The following UBXN7 variants were observed in gnomAD, a reference collection of about 807,000 sequenced individuals.
UBXN7 encodes the protein UBX domain protein 7.
UBXN7 carries 9 observed loss-of-function variants against 58.0 expected under a neutral mutation model. The ratio of observed to expected loss-of-function variants is 0.16; its 90% CI spans 0.09 to 0.27. The LOEUF (loss-of-function observed/expected upper bound fraction) is 0.27, where lower values mean the gene tolerates loss of function less well. UBXN7 is among the 10% of genes least tolerant of loss of function. UBXN7 has a pLI of 1.00. For missense variants in UBXN7, 328 were observed against 599.6 expected (o/e 0.55, Z 4.73); for synonymous variants, 208 against 205.0 (o/e 1.01, Z -0.12).
intron 10 of UBXN7, among the ~76,000 whole-genome samples, chr3:196,360,509 C>T (rs1728478768): frequency 6.6e-6 from 1 of 152,202 alleles, no homozygotes; most frequent in Admixed American, 6.5e-5. Flanking sequence ...CCTGGAAAGA[C>T]AGCACATCAA....
intron 2 of UBXN7, 143 bp downstream of exon 2, chr3:196,407,103 C>G: frequency 3.4e-6 from 4 of 1,162,564 alleles, no homozygotes; most frequent in Non-Finnish European, 4.7e-6. Flanking sequence ...TATGTAACTA[C>G]AAAAATTTCC....
intron 1 of UBXN7, among the ~76,000 whole-genome samples, chr3:196,411,250 T>A (rs1318258091): frequency 2.6e-5 from 4 of 152,210 alleles, no homozygotes; most frequent in African/African-American, 9.6e-5. Context: ...ACACTTTGCT[T>A]GCATGTGATC....
At chr3:196,401,298 TACAC>T (rs71630187) in intron 3 of UBXN7, among the ~76,000 whole-genome samples, 8 of 61,686 alleles carry the variant, frequency 1.3e-4, no homozygotes, top group South Asian at 5.0e-4. Context: ...TATATATATA[TACAC>T]ACACACACAC....
At chr3:196,411,638 C>G (rs1000806242) in intron 1 of UBXN7, among the ~76,000 whole-genome samples, 3 of 152,132 alleles carry the variant, frequency 2.0e-5, no homozygotes, top group Admixed American at 1.3e-4. Context: ...TGGTGAAACC[C>G]CTTCTCTATT....
chr3:196,405,693 C>T lies in UBXN7; in HGVS notation c.221+1553G>A, dbSNP rs369095417. Among the ~76,000 whole-genome samples, 42 of 151,948 alleles carry T rather than the reference C, an allele frequency of 2.8e-4. No individual in the cohort carries two copies. In the South Asian group the frequency reaches 7.9e-3, roughly 29 times the overall value. Reference sequence around the variant, plus strand: ...ATTAAGTAGTACACTTGTCCTTACACGAAAAGACTTGATTACTACATTATC... The same window carrying T: ...ATTAAGTAGTACACTTGTCCTTACATGAAAAGACTTGATTACTACATTATC... On this transcript the variant is annotated intron_variant, in intron 2 of 10. Transcript: ENST00000296328.
chr3:196,350,405 T>C lies in UBXN7; in HGVS notation c.*6280A>G, dbSNP rs1487683498. ...GGAGAAAATGAGCTATAAAAGTAAGTTTGCCTCAAAAATGTCCTTCAATTT... is the reference window on the plus strand; with the variant it reads ...GGAGAAAATGAGCTATAAAAGTAAGCTTGCCTCAAAAATGTCCTTCAATTT... On this transcript the variant is annotated 3_prime_UTR_variant, in exon 11 of 11. Coordinates refer to ENST00000296328, the MANE Select transcript of UBXN7 (RefSeq NM_015562.2). 1.3e-5 allele frequency: 2 copies of C among 152,182 alleles called. No individual in the cohort carries two copies. Among genetic ancestry groups the C allele is most frequent in the African/African-American group, 4.8e-5 (2 of 41,434 alleles). 9.4% of individuals were successfully genotyped at this position (152,182 alleles called of 1,614,324 possible).
intron 1 of UBXN7, among the ~76,000 whole-genome samples, chr3:196,430,667 G>A (rs930814489): frequency 6.6e-5 from 10 of 152,066 alleles, no homozygotes; most frequent in African/African-American, 2.4e-4. Flanking sequence ...AGGATTACAG[G>A]CGTGAGACAC....
intron 1 of UBXN7, 59 bp downstream of exon 1, chr3:196,432,268 G>C: frequency 6.2e-7 from 1 of 1,602,372 alleles, no homozygotes; most frequent in Non-Finnish European, 8.5e-7. Context: ...GAAGCCCGGG[G>C]CAGACCCGCT....
At chr3:196,420,013 TGTAA>T (rs1405406983) in intron 1 of UBXN7, among the ~76,000 whole-genome samples, 1 of 152,166 alleles carries the variant, frequency 6.6e-6, no homozygotes, top group African/African-American at 2.4e-5. Context: ...GGCTAAATGA[TGTAA>T]GTGAGGGAAC....
chr3:196,375,315 A>T (rs1728982647), intron 5 of UBXN7, among the ~76,000 whole-genome samples: 1 of 151,880 alleles, frequency 6.6e-6, no homozygotes, highest in African/African-American at 2.4e-5. Context: ...TTCATGTTAT[A>T]CATCTTAAAT....
rs1281965827 is a variant in UBXN7, at chr3:196,351,231, C to G, written c.*5454G>C. ...TATACAAATCAATTTCCCAACAGGCCAGTAAAGTACTTTAAGTACACAAGT... is the reference window on the plus strand; with the variant it reads ...TATACAAATCAATTTCCCAACAGGCGAGTAAAGTACTTTAAGTACACAAGT... On this transcript the variant is annotated 3_prime_UTR_variant, in exon 11 of 11. Coordinates refer to ENST00000296328, the MANE Select transcript of UBXN7 (RefSeq NM_015562.2). 1 of 152,130 alleles carries G rather than the reference C, an allele frequency of 6.6e-6. No homozygotes were observed. The highest frequency in any genetic ancestry group is 1.5e-5 in the Non-Finnish European group (1 of 68,026). The allele number at this position is 152,130 out of a possible 1,614,324, so 9.4% of individuals were successfully genotyped here.
rs1280508366 is a variant in UBXN7 at position 196,350,410 on chromosome 3, C to T, written c.*6275G>A. 6.6e-6 allele frequency: 1 copy of T among 152,084 alleles called. No homozygotes were observed. The highest frequency in any genetic ancestry group is 1.5e-5 in the Non-Finnish European group (1 of 68,016). The allele number at this position is 152,084 out of a possible 1,614,324, so 9.4% of individuals were successfully genotyped here. ...AAATGAGCTATAAAAGTAAGTTTGC[C>T]TCAAAAATGTCCTTCAATTTTATAA... On this transcript the variant is annotated 3_prime_UTR_variant, in exon 11 of 11. Coordinates refer to ENST00000296328, the MANE Select transcript of UBXN7 (RefSeq NM_015562.2).
At chr3:196,402,707 T>A (rs1730030474) in intron 3 of UBXN7, among the ~76,000 whole-genome samples, 1 of 152,210 alleles carries the variant, frequency 6.6e-6, no homozygotes, top group Non-Finnish European at 1.5e-5. Flanking sequence ...TCATTCCCAT[T>A]ACAAGGCAGT....
rs1553853062 is a variant in UBXN7, at chr3:196,401,836, A to AGAAGAGAAGAGAAGC, written c.289+1115_289+1116insGCTTCTCTTCTCTTC. Among the ~76,000 whole-genome samples, 962 of 149,794 alleles carry AGAAGAGAAGAGAAGC rather than the reference A, an allele frequency of 6.4e-3. 15 individuals are homozygous for AGAAGAGAAGAGAAGC. The highest frequency in any genetic ancestry group is 0.022 in the African/African-American group (916 of 40,800). On this transcript the variant is annotated intron_variant, in intron 3 of 10. Transcript: ENST00000296328. Reference sequence around the variant, plus strand: ...AAGAAAAGAGAAGAGAGAAGAGAAGAGAAGAGAAGAGAAGAGAAGAGAAGA... The same window carrying AGAAGAGAAGAGAAGC: ...AAGAAAAGAGAAGAGAGAAGAGAAGAGAAGAGAAGAGAAGCGAAGAGAAGAGAAGAGAAGAGAAGA...
intron 1 of UBXN7, chr3:196,431,334 T>A (rs998401106): frequency 6.6e-6 from 1 of 152,236 alleles, no homozygotes; most frequent in African/African-American, 2.4e-5. Flanking sequence ...GAGAACTTCA[T>A]CATTTGCTCC....
chr3:196,430,886 C>T (rs1731010143), intron 1 of UBXN7, among the ~76,000 whole-genome samples: 1 of 152,070 alleles, frequency 6.6e-6, no homozygotes, highest in African/African-American at 2.4e-5. Context: ...ATAATCCAAT[C>T]CTTTATATCT....
At chr3:196,378,409 C>T (rs1264057644) in intron 5 of UBXN7, among the ~76,000 whole-genome samples, 1 of 151,774 alleles carries the variant, frequency 6.6e-6, no homozygotes, top group Non-Finnish European at 1.5e-5. Context: ...TTATCAGCTC[C>T]TCCCTCTTCC....
rs1729004600 is a variant in UBXN7 at position 196,375,924 on chromosome 3, G to C, written c.469-3882C>G. 2.6e-5 allele frequency among the ~76,000 whole-genome samples: 4 copies of C among 152,342 alleles called. No homozygotes were observed. In the South Asian group the frequency reaches 8.3e-4, roughly 32 times the overall value. On this transcript the variant is annotated intron_variant, in intron 5 of 10. Coordinates refer to ENST00000296328, the MANE Select transcript of UBXN7 (RefSeq NM_015562.2). ...CATGCCTGTAATCCCATCTACTTGG[G>C]TAGCTGAGGTACAAGTATTGCTTGA... is the stretch of plus-strand genomic sequence containing the variant.
rs1366160779 is a variant in UBXN7 at position 196,362,309 on chromosome 3, C to T, written c.1213G>A (p.Gly405Arg). The T allele has an allele frequency of 1.3e-5, 21 of 1,605,506 alleles. No homozygotes were observed. Among genetic ancestry groups the T allele is most frequent in the Non-Finnish European group, 1.6e-5 (19 of 1,177,226 alleles). Residue 405 changes from glycine to arginine, a missense_variant, in exon 9 of 11, where the codon GGG becomes AGG. Gly to Arg is a moderately radical substitution (Grantham distance 125). Transcript: ENST00000296328. ...TGTAACTTACCATTTACATCTATCC[C>T]CTCCACTACTCCATCTGCTTTTTCA... Reference protein sequence around the residue: ...PPEKADGVVEGIDVNGPKAQL... With the variant: ...PPEKADGVVERIDVNGPKAQL...
Sources: allele counts gnomAD v4.1 joint callset (sites outside exome capture counted in the v4.1 genomes callset), GRCh38; gene constraint gnomAD v4.1.1; transcripts MANE v1.5; gene names NCBI Gene and HGNC (gene_info 2026-07-23, HGNC 2026-07-21).